DOCK1: variants seen among roughly 807,000 people sequenced by gnomAD.
DOCK1 encodes dedicator of cytokinesis 1.
DOCK1 carries 138 observed loss-of-function variants against 262.7 expected under a neutral mutation model. That is an observed-to-expected ratio of 0.53 (90% CI 0.46 to 0.61). The LOEUF (loss-of-function observed/expected upper bound fraction) is 0.61. Among genes scored for constraint, DOCK1 ranks in the 20% least tolerant of loss-of-function variants. The probability of loss-of-function intolerance (pLI) is 0.00; values close to 1 mark genes in which losing one functional copy is unlikely to be tolerated. For missense variants in DOCK1, 1,908 were observed against 2,370.7 expected (o/e 0.80, Z 4.05); for synonymous variants, 866 against 867.4 (o/e 1.00, Z 0.03).
At chr10:127,444,451 C>G (rs547960409) in intron 50 of DOCK1, among the ~76,000 whole-genome samples, 172 bp downstream of exon 50, 1 of 152,124 alleles carries the variant, frequency 6.6e-6, no homozygotes, top group Non-Finnish European at 1.5e-5. Context: ...AGAGTCTGGA[C>G]TTCCGCAAAT....
chr10:126,926,228 T>C (rs1381573332), intron 1 of DOCK1, among the ~76,000 whole-genome samples: 1 of 151,996 alleles, frequency 6.6e-6, no homozygotes, highest in Admixed American at 6.6e-5. Flanking sequence ...CCGAAGTGTT[T>C]TGTCTTCTGT....
At chr10:127,033,506 C>T (rs754900557) in intron 18 of DOCK1, among the ~76,000 whole-genome samples, 120 of 152,170 alleles carry the variant, frequency 7.9e-4, no homozygotes, top group African/African-American at 1.2e-3. Flanking sequence ...CAAATGCAGC[C>T]GTATCACAGC....
intron 28 of DOCK1, among the ~76,000 whole-genome samples, chr10:127,253,421 A>ACAATT (rs1276417911): frequency 9.2e-5 from 14 of 152,162 alleles, no homozygotes; most frequent in African/African-American, 3.4e-4. Context: ...TGGATGTCCT[A>ACAATT]CAATTCAATT....
At chr10:127,184,243 T>C (rs900712836) in intron 27 of DOCK1, among the ~76,000 whole-genome samples, 1 of 152,124 alleles carries the variant, frequency 6.6e-6, no homozygotes, top group Non-Finnish European at 1.5e-5. Flanking sequence ...ATCTCCAACT[T>C]AGTAGATTCT....
intron 27 of DOCK1, among the ~76,000 whole-genome samples, chr10:127,246,001 G>A (rs558341698): frequency 6.6e-6 from 1 of 152,334 alleles, no homozygotes; most frequent in Non-Finnish European, 1.5e-5. Flanking sequence ...TCAAGGGGAA[G>A]AGTCCGGGTC....
At chr10:127,179,787 A>T (rs1404014558) in intron 27 of DOCK1, among the ~76,000 whole-genome samples, 1 of 152,230 alleles carries the variant, frequency 6.6e-6, no homozygotes, top group South Asian at 2.1e-4. Context: ...GCATTTATTC[A>T]GCAAGTGAAT....
chr10:127,434,638 C>A (rs925324296), intron 48 of DOCK1, among the ~76,000 whole-genome samples: 1 of 152,032 alleles, frequency 6.6e-6, no homozygotes, highest in Non-Finnish European at 1.5e-5. Context: ...CCCCTGACAC[C>A]CTGACAATGT....
intron 21 of DOCK1, among the ~76,000 whole-genome samples, chr10:127,049,383 T>C (rs977024507): frequency 1.3e-4 from 20 of 152,056 alleles, no homozygotes; most frequent in Admixed American, 3.9e-4. Context: ...TCGCCAAGTG[T>C]GGTGGTGGGC....
Position 127,100,267 on chromosome 10 carries a change from C to T in DOCK1, c.2446-5964C>T, listed in dbSNP as rs973530300. On this transcript the variant is annotated intron_variant, in intron 23 of 51. Coordinates refer to ENST00000623213, the MANE Select transcript of DOCK1 (RefSeq NM_001290223.2). The surrounding 1 kb of genome is among the most constrained non-coding windows in gnomAD (Gnocchi z 5.5). ...AAGCCAATGGGAGGCAGTAGCCGTGCGGCCCAGGTGCTGTTTGTTCCGGGG... is the reference window on the plus strand; with the variant it reads ...AAGCCAATGGGAGGCAGTAGCCGTGTGGCCCAGGTGCTGTTTGTTCCGGGG... Among the ~76,000 whole-genome samples the T allele has an allele frequency of 3.3e-5, 5 of 152,094 alleles. No homozygotes were observed. The highest frequency in any genetic ancestry group is 7.4e-5 in the Non-Finnish European group (5 of 68,014).
intron 22 of DOCK1, among the ~76,000 whole-genome samples, chr10:127,058,432 A>G (rs557101263): frequency 3.9e-5 from 6 of 152,084 alleles, no homozygotes; most frequent in African/African-American, 1.2e-4. Context: ...TTATAATACA[A>G]CATATAGTTG....
chr10:127,067,514 A>C (rs1326594068), intron 23 of DOCK1, among the ~76,000 whole-genome samples: 1 of 151,762 alleles, frequency 6.6e-6, no homozygotes, highest in African/African-American at 2.4e-5. Flanking sequence ...GTCTGTGTGC[A>C]TTGTATGTGT....
chr10:127,031,847 G>A, intron 17 of DOCK1, 94 bp downstream of exon 17: 1 of 1,127,076 alleles, frequency 8.9e-7, no homozygotes, highest in Admixed American at 2.2e-5. Flanking sequence ...ATCATTGTGA[G>A]GAAGCTGCTA....
intron 1 of DOCK1, among the ~76,000 whole-genome samples, chr10:126,906,033 C>T (rs1004687406): frequency 1.3e-5 from 2 of 152,080 alleles, no homozygotes; most frequent in Admixed American, 6.5e-5. Context: ...CAGGTCGGCG[C>T]GGTCCCAGCG....
chr10:127,206,289 A>C (rs987377826), intron 27 of DOCK1, among the ~76,000 whole-genome samples: 1 of 151,114 alleles, frequency 6.6e-6, no homozygotes, highest in Non-Finnish European at 1.5e-5. Context: ...AATTACAGGC[A>C]CCCGCCACCA....
chr10:126,979,442 T>A (rs1421283092), intron 3 of DOCK1, among the ~76,000 whole-genome samples: 2 of 152,162 alleles, frequency 1.3e-5, no homozygotes, highest in Non-Finnish European at 1.5e-5. Flanking sequence ...GAGATTAAGA[T>A]CATGGACTAA....
chr10:126,954,237 A>G (rs1220955520), intron 1 of DOCK1, among the ~76,000 whole-genome samples: 1 of 152,250 alleles, frequency 6.6e-6, no homozygotes, highest in Non-Finnish European at 1.5e-5. Flanking sequence ...TCAGAGCAGC[A>G]CTGCTGGAGA....
chr10:127,156,924 A>G (rs2053143285), intron 27 of DOCK1, among the ~76,000 whole-genome samples: 1 of 152,192 alleles, frequency 6.6e-6, no homozygotes, highest in Admixed American at 6.5e-5. Flanking sequence ...GTCACTTTGT[A>G]GAAAGCACAT....
intron 46 of DOCK1, among the ~76,000 whole-genome samples, chr10:127,424,454 C>T (rs1375139097): frequency 6.6e-6 from 1 of 152,154 alleles, no homozygotes; most frequent in Non-Finnish European, 1.5e-5. Context: ...GAGAAAGGCC[C>T]GCCCTAAATC....
At chr10:127,360,944 A>G (rs1039300412) in intron 32 of DOCK1, among the ~76,000 whole-genome samples, 2 of 152,156 alleles carry the variant, frequency 1.3e-5, no homozygotes, top group Non-Finnish European at 2.9e-5. Flanking sequence ...ATTCAGTGAG[A>G]TGATGCTTTA....
Sources: allele counts gnomAD v4.1 joint callset (sites outside exome capture counted in the v4.1 genomes callset), GRCh38; gene constraint gnomAD v4.1.1; non-coding constraint Gnocchi (gnomAD v3.1); transcripts MANE v1.5; gene names NCBI Gene and HGNC (gene_info 2026-07-23, HGNC 2026-07-21).